Variants in EXTL2 observed in about 807,000 individuals in gnomAD.
EXTL2 encodes exostosin like glycosyltransferase 2, also known as exostosin-like 2.
Under a neutral mutation model 30.7 loss-of-function variants are expected in EXTL2, and 23 were observed. The ratio of observed to expected loss-of-function variants is 0.75; its 90% CI spans 0.54 to 1.06. The LOEUF is 1.06. Ranked by LOEUF, EXTL2 falls within the 50% of genes least tolerant of loss-of-function variation. The pLI, the probability that EXTL2 is intolerant of heterozygous loss-of-function variation, is 0.00. For synonymous variants in EXTL2, 123 were observed against 133.8 expected, an observed-to-expected ratio of 0.92 and a Z score of 0.56; for missense variants, 352 against 396.3, an observed-to-expected ratio of 0.89 and a Z score of 0.95.
chr1:100,880,720 G>A (rs1368321601), intron 2 of EXTL2, among the ~76,000 whole-genome samples: 1 of 152,130 alleles, frequency 6.6e-6, no homozygotes, highest in East Asian at 1.9e-4. Context: ...CTGGTTATAA[G>A]TACTGAGAAT....
rs1649218810 is a variant in EXTL2 at position 100,877,508 on chromosome 1, C to T, written c.401G>A (p.Arg134Gln). Residue 134 changes from arginine (R) to glutamine (Q), a missense_variant, in exon 3 of 5, where the codon CGA becomes CAA. Transcript: ENST00000370114. The surrounding 1 kb of genome is among the most constrained non-coding windows in gnomAD (Gnocchi z 4.1). ...KQQTANRMRN[R>Q]LQVFPELETN... ...TTCCAGTTCAGGAAAGACCTGGAGT[C>T]GATTTCTCATCCTGTTTGCTGTCTG... is the stretch of plus-strand genomic sequence containing the variant. 1.9e-6 allele frequency: 3 copies of T among 1,608,278 alleles called. No individual in the cohort carries two copies. The highest frequency in any genetic ancestry group is 2.5e-6 in the Non-Finnish European group (3 of 1,177,178).
At chr1:100,890,647 C>T (rs187646637) in intron 1 of EXTL2, among the ~76,000 whole-genome samples, 269 of 152,332 alleles carry the variant, frequency 1.8e-3, no homozygotes, top group Non-Finnish European at 3.1e-3. Context: ...CCACCAGCCT[C>T]TTTGCTAAAG....
At chr1:100,890,138 T>A (rs1048702521) in intron 1 of EXTL2, among the ~76,000 whole-genome samples, 1 of 152,240 alleles carries the variant, frequency 6.6e-6, no homozygotes, top group South Asian at 2.1e-4. Flanking sequence ...CAGAGGTTCC[T>A]AAACCTTAAT....
intron 2 of EXTL2, among the ~76,000 whole-genome samples, chr1:100,880,753 C>T (rs1393625882): frequency 3.3e-5 from 5 of 152,178 alleles, no homozygotes; most frequent in African/African-American, 7.2e-5. Context: ...TGACTAACTG[C>T]ATTATAGTAT....
At position 100,879,094 on chromosome 1, in the gene EXTL2, G is replaced by A. The variant is rs542576108; in HGVS notation, c.6-1191C>T. 2.0e-5 allele frequency among the ~76,000 whole-genome samples: 3 copies of A among 152,254 alleles called. No homozygotes were observed. In the East Asian group the frequency reaches 5.8e-4, roughly 29 times the overall value. ...GTGTAATCAAATCCCTTGCTTATATGAGAAAAGGTTAAATCTCAGACAGTT... is the reference window on the plus strand; with the variant it reads ...GTGTAATCAAATCCCTTGCTTATATAAGAAAAGGTTAAATCTCAGACAGTT... On this transcript the variant is annotated intron_variant, in intron 2 of 4. Transcript: ENST00000370114.
At position 100,872,617 on chromosome 1, in the gene EXTL2, C is replaced by T. The variant is rs1280367875; in HGVS notation, c.*1325G>A. 1 of 151,820 alleles carries T rather than the reference C, an allele frequency of 6.6e-6. No individual in the cohort carries two copies. Among genetic ancestry groups the T allele is most frequent in the Non-Finnish European group, 1.5e-5 (1 of 67,874 alleles). The allele number at this position is 151,820 out of a possible 1,614,324, so 9.4% of individuals were successfully genotyped here. A position where few individuals can be genotyped will look rare whatever the true frequency, so the allele number is the denominator to read the frequency against. ...ATGCACAAAGACCTCATTATTGGAA[C>T]ATTAGCCATGATTATTTTAATATTC... On this transcript the variant is annotated 3_prime_UTR_variant, in exon 5 of 5. Coordinates refer to ENST00000370114, the MANE Select transcript of EXTL2 (RefSeq NM_001033025.3).
At chr1:100,892,838 C>G (rs1303885116) in intron 1 of EXTL2, among the ~76,000 whole-genome samples, 1 of 151,882 alleles carries the variant, frequency 6.6e-6, no homozygotes, top group Admixed American at 6.6e-5. Context: ...CTTTTTTAAC[C>G]AGCAGTTCCC....
intron 2 of EXTL2, among the ~76,000 whole-genome samples, chr1:100,887,860 G>C (rs918307686): frequency 6.6e-6 from 1 of 151,998 alleles, no homozygotes; most frequent in Non-Finnish European, 1.5e-5. Flanking sequence ...CATCACACCC[G>C]GCAAATTTTT....
chr1:100,889,007 A>T (rs1650196554), intron 1 of EXTL2, 179 bp from the exon 2 acceptor site: 1 of 388,142 alleles, frequency 2.6e-6, no homozygotes, highest in East Asian at 3.7e-5. Context: ...GTAGATGATT[A>T]ATGACTTCCA....
rs1286520477 is a variant in EXTL2, at chr1:100,873,831, A to G, written c.*111T>C. The G allele has an allele frequency of 8.9e-7, 1 of 1,128,418 alleles. No individual in the cohort carries two copies. The highest frequency in any genetic ancestry group is 1.2e-6 in the Non-Finnish European group (1 of 802,720). The allele number at this position is 1,128,418 out of a possible 1,614,324, so 69.9% of individuals were successfully genotyped here. On this transcript the variant is annotated 3_prime_UTR_variant, in exon 5 of 5. Coordinates refer to ENST00000370114, the MANE Select transcript of EXTL2 (RefSeq NM_001033025.3). ...AGCACTGCACTTTTTTTTCTATTGT[A>G]GAGACTTCTGGAGTAGATAAAATTC...
chr1:100,880,950 G>T, intron 2 of EXTL2: 1 of 966,554 alleles, frequency 1.0e-6, no homozygotes, highest in Non-Finnish European at 1.2e-6. Context: ...AGACACTCAT[G>T]AGTGACTGCT....
At chr1:100,893,238 A>G (rs1650572022) in intron 1 of EXTL2, among the ~76,000 whole-genome samples, 1 of 152,252 alleles carries the variant, frequency 6.6e-6, no homozygotes, top group Non-Finnish European at 1.5e-5. Flanking sequence ...CAAAGGAATT[A>G]AGAATTCTGA....
intron 1 of EXTL2, among the ~76,000 whole-genome samples, chr1:100,893,490 C>A (rs1318039730): frequency 1.3e-5 from 2 of 152,140 alleles, no homozygotes; most frequent in African/African-American, 4.8e-5. Context: ...CTACTCTTTT[C>A]CATAAAATTC....
At chr1:100,874,883 T>G (rs890971751) in intron 4 of EXTL2, among the ~76,000 whole-genome samples, 4 of 152,122 alleles carry the variant, frequency 2.6e-5, no homozygotes, top group African/African-American at 7.2e-5. Flanking sequence ...CTTTTTCATG[T>G]TGATTTCGAT....
At chr1:100,875,239 A>ACACACACGGACACACACACACACACC in intron 4 of EXTL2, among the ~76,000 whole-genome samples, 1 of 148,756 alleles carries the variant, frequency 6.7e-6, no homozygotes, top group Non-Finnish European at 1.5e-5. Context: ...GGACACACAC[A>ACACACACGGACACACACACACACACC]CACACACACA....
chr1:100,893,460 A>AC lies in EXTL2; in HGVS notation c.-72+1172dup, dbSNP rs892024335. Among the ~76,000 whole-genome samples the AC allele has an allele frequency of 3.8e-4, 58 of 150,750 alleles. 1 individual carries two copies. The East Asian group carries it at 4.3e-3, about 11-fold the overall frequency. ...AGACGAGACTGATTTGCCTGTCACA[A>AC]CCCCCCCCTTTCTTCATAACTACTC... is the stretch of plus-strand genomic sequence containing the variant. On this transcript the variant is annotated intron_variant, in intron 1 of 4. Transcript: ENST00000370114.
Position 100,872,861 on chromosome 1 carries a change from G to A in EXTL2, c.*1081C>T, listed in dbSNP as rs1306117942. The stretch of plus-strand genomic sequence containing the variant: ...TAGGCAACCTTAAGAATGAATTGAT[G>A]CAGACTCCTATAGAATTCCTCTGTT... On this transcript the variant is annotated 3_prime_UTR_variant, in exon 5 of 5. Coordinates refer to ENST00000370114, the MANE Select transcript of EXTL2 (RefSeq NM_001033025.3). 6.6e-6 allele frequency: 1 copy of A among 152,028 alleles called. No individual in the cohort carries two copies. Among genetic ancestry groups the A allele is most frequent in the African/African-American group, 2.4e-5 (1 of 41,414 alleles). The allele number at this position is 152,028 out of a possible 1,614,324, so 9.4% of individuals were successfully genotyped here. A position where few individuals can be genotyped will look rare whatever the true frequency, so the allele number is the denominator to read the frequency against.
At chr1:100,889,714 C>T (rs528023060) in intron 1 of EXTL2, among the ~76,000 whole-genome samples, 13 of 152,298 alleles carry the variant, frequency 8.5e-5, no homozygotes, top group Non-Finnish European at 1.2e-4. Context: ...TCCAGTGGGG[C>T]GGTCATTAAA....
intron 2 of EXTL2, chr1:100,885,927 TTTAAA>T (rs1298491993): frequency 6.6e-6 from 1 of 152,232 alleles, no homozygotes; most frequent in Admixed American, 6.5e-5. Flanking sequence ...AACAAAATAA[TTTAAA>T]TTAGTTTGTG....
Sources: gnomAD v4.1 joint callset for allele counts (sites outside exome capture counted in the v4.1 genomes callset) on GRCh38, gnomAD v4.1.1 for gene constraint, Gnocchi (gnomAD v3.1) non-coding constraint, MANE v1.5 for transcripts, NCBI Gene and HGNC (gene_info 2026-07-23, HGNC 2026-07-21) for gene names.